The following HIF1A variants were observed in gnomAD, a reference collection of about 807,000 sequenced individuals.
The protein encoded by HIF1A is hypoxia-inducible factor 1-alpha.
A neutral mutation model predicts 92.7 loss-of-function variants in HIF1A; 24 were observed. The ratio of observed to expected loss-of-function variants is 0.26; its 90% confidence interval spans 0.19 to 0.36. The LOEUF (loss-of-function observed/expected upper bound fraction) is 0.36. HIF1A is among the 10% of genes least tolerant of loss of function. The probability of loss-of-function intolerance (pLI) is 1.00; values close to 1 mark genes in which losing one functional copy is unlikely to be tolerated. For synonymous variants in HIF1A, 319 were observed against 338.7 expected, an observed-to-expected ratio of 0.94 and a Z score of 0.64; for missense variants, 799 against 998.5, an observed-to-expected ratio of 0.80 and a Z score of 2.69.
rs2044522204 is a variant in HIF1A at position 61,727,598 on chromosome 14, G to T, written c.716G>T (p.Ser239Ile). Residue 239 changes from serine to isoleucine, a missense_variant, in exon 6 of 15, where the codon AGC (serine) becomes ATC (isoleucine). By Grantham distance (142) the Ser-to-Ile change is moderately radical. Transcript: ENST00000337138. ...HPSNIEIPLD[S>I]KTFLSRHSLD... ...TCAAATATTGAAATTCCTTTAGATA[G>T]CAAGACTTTCCTCAGTCGACACAGC... The T allele has an allele frequency of 6.2e-7, 1 of 1,613,724 alleles. No individual in the cohort carries two copies. Among genetic ancestry groups the T allele is most frequent in the Non-Finnish European group, 8.5e-7 (1 of 1,179,784 alleles).
At chr14:61,708,183 A>C (rs1400725751) in intron 1 of HIF1A, among the ~76,000 whole-genome samples, 1 of 151,828 alleles carries the variant, frequency 6.6e-6, no homozygotes, top group Admixed American at 6.6e-5. Flanking sequence ...GTTTGAGTTC[A>C]TTGTAGATTC....
chr14:61,728,374 A>G (rs974444862), intron 6 of HIF1A, among the ~76,000 whole-genome samples: 11 of 152,118 alleles, frequency 7.2e-5, no homozygotes, highest in African/African-American at 2.7e-4. Flanking sequence ...TTCTATTACT[A>G]TTTCCCACAT....
chr14:61,713,637 C>T (rs775647324), intron 1 of HIF1A, among the ~76,000 whole-genome samples: 1 of 146,934 alleles, frequency 6.8e-6, no homozygotes, highest in Non-Finnish European at 1.5e-5. Context: ...TAGATGCATC[C>T]TTTCTCCCAT....
intron 14 of HIF1A, 139 bp from the exon 15 acceptor site, chr14:61,746,795 A>C (rs2044798184): frequency 1.7e-6 from 1 of 591,640 alleles, no homozygotes. Context: ...TTTTTAACAT[A>C]GTTGTGGTTT....
chr14:61,723,232 G>A (rs920865771), intron 4 of HIF1A, among the ~76,000 whole-genome samples: 9 of 152,146 alleles, frequency 5.9e-5, no homozygotes, highest in Non-Finnish European at 1.3e-4. Flanking sequence ...TTGAGAGAAT[G>A]CTGTGTGCCA....
At chr14:61,743,902 T>C (rs190870243) in intron 12 of HIF1A, among the ~76,000 whole-genome samples, 14 of 152,268 alleles carry the variant, frequency 9.2e-5, no homozygotes, top group African/African-American at 2.6e-4. Flanking sequence ...ATATTGCAAC[T>C]AGTGAGCAGT....
intron 1 of HIF1A, chr14:61,715,667 G>A (rs2044355521): frequency 6.6e-6 from 1 of 152,166 alleles, no homozygotes; most frequent in Non-Finnish European, 1.5e-5. Context: ...ATACCACTGT[G>A]TTATTAGTAA....
At chr14:61,702,292 ATAGC>A (rs1290597868) in intron 1 of HIF1A, among the ~76,000 whole-genome samples, 1 of 145,552 alleles carries the variant, frequency 6.9e-6, no homozygotes, top group African/African-American at 2.6e-5. Context: ...AAAAAAAAAA[ATAGC>A]AGGATGTGGT....
chr14:61,717,677 C>T (rs779072879), intron 1 of HIF1A, among the ~76,000 whole-genome samples: 6 of 152,136 alleles, frequency 3.9e-5, no homozygotes, highest in South Asian at 2.1e-4. Context: ...AAGTTCTGGA[C>T]GATACGTGTA....
chr14:61,729,776 C>G (rs1396674004), intron 6 of HIF1A, among the ~76,000 whole-genome samples: 1 of 152,030 alleles, frequency 6.6e-6, no homozygotes, highest in African/African-American at 2.4e-5. Flanking sequence ...ACATTCCCCT[C>G]TAGTTATAGC....
Position 61,721,532 on chromosome 14 carries a change from A to G in HIF1A, c.250A>G (p.Met84Val). The G allele has an allele frequency of 6.2e-7, 1 of 1,613,390 alleles. No homozygotes were observed. The change falls in exon 3 of 15, where the codon ATG becomes GTG. Residue 84 changes from methionine to valine, a missense_variant. Transcript: ENST00000337138. Reference protein sequence around the residue: ...DAGDLDIEDDMKAQMNCFYLK... With the variant: ...DAGDLDIEDDVKAQMNCFYLK... ...AGGTGATTTGGATATTGAAGATGAC[A>G]TGAAAGCACAGATGAATTGCTTTTA...
intron 4 of HIF1A, among the ~76,000 whole-genome samples, chr14:61,724,332 C>A (rs1024084267): frequency 1.2e-5 from 1 of 85,840 alleles, no homozygotes; most frequent in Admixed American, 1.2e-4. Flanking sequence ...CACCTACACA[C>A]ACACGACACA....
chr14:61,731,102 C>A (rs560261673), intron 6 of HIF1A, among the ~76,000 whole-genome samples: 1 of 151,820 alleles, frequency 6.6e-6, no homozygotes, highest in East Asian at 1.9e-4. Flanking sequence ...TGTGAGAACA[C>A]AAGCAATGTT....
At position 61,740,821 on chromosome 14, in the gene HIF1A, T is replaced by C; in HGVS notation, c.1726T>C (p.Ser576Pro). 1 of 1,614,146 alleles carries C rather than the reference T, an allele frequency of 6.2e-7. No homozygotes were observed. Among genetic ancestry groups the C allele is most frequent in the Non-Finnish European group, 8.5e-7 (1 of 1,179,996 alleles). ...IPMDDDFQLR[S>P]FDQLSPLESS... ...AATGGATGATGACTTCCAGTTACGTTCCTTCGATCAGTTGTCACCATTAGA... is the reference window on the plus strand; with the variant it reads ...AATGGATGATGACTTCCAGTTACGTCCCTTCGATCAGTTGTCACCATTAGA... Residue 576 changes from serine to proline, a missense_variant, in exon 12 of 15, where the codon TCC (serine) becomes CCC (proline). By Grantham distance (74) the Ser-to-Pro change is moderately conservative (BLOSUM62 -1). This residue lies in a region of HIF1A where 516 missense variants were observed against 721.0 expected (regional missense o/e 0.72). Transcript: ENST00000337138.
intron 10 of HIF1A, among the ~76,000 whole-genome samples, chr14:61,739,154 A>G (rs2044675921): frequency 6.6e-6 from 1 of 152,210 alleles, no homozygotes; most frequent in Non-Finnish European, 1.5e-5. Context: ...TCTAATTTCC[A>G]TCACTATTTT....
intron 12 of HIF1A, among the ~76,000 whole-genome samples, 178 bp from the exon 13 acceptor site, chr14:61,744,527 A>AG (rs1202013996): frequency 6.6e-6 from 1 of 151,772 alleles, no homozygotes; most frequent in South Asian, 2.1e-4. Context: ...AAAAAAAAAA[A>AG]AAAAAATTAA....
intron 12 of HIF1A, among the ~76,000 whole-genome samples, chr14:61,742,251 A>C (rs369156089): frequency 3.3e-5 from 5 of 152,222 alleles, no homozygotes; most frequent in Non-Finnish European, 7.3e-5. Flanking sequence ...GTTTTATCTA[A>C]TAAGTGTGTG....
At chr14:61,728,266 A>G (rs184956994) in intron 6 of HIF1A, among the ~76,000 whole-genome samples, 8 of 152,194 alleles carry the variant, frequency 5.3e-5, no homozygotes, top group Non-Finnish European at 1.0e-4. Context: ...ATTTTGAGCA[A>G]AGATAGATTA....
intron 1 of HIF1A, among the ~76,000 whole-genome samples, chr14:61,709,655 A>G (rs2044284278): frequency 6.6e-6 from 1 of 152,208 alleles, no homozygotes; most frequent in Non-Finnish European, 1.5e-5. Flanking sequence ...TTTCAAAAAT[A>G]AAATAAGTGT....
Sources: gnomAD v4.1 joint callset for allele counts (sites outside exome capture counted in the v4.1 genomes callset) on GRCh38, gnomAD v4.1.1 for gene constraint, gnomAD v4.1.1 regional missense constraint, MANE v1.5 for transcripts, NCBI Gene and HGNC (gene_info 2026-07-23, HGNC 2026-07-21) for gene names.